ARHGEF7: variants seen among roughly 807,000 people sequenced by gnomAD.
ARHGEF7 encodes the protein PAK-interacting exchange factor beta.
Under a neutral mutation model 109.8 loss-of-function variants are expected in ARHGEF7, and 33 were observed. That is an observed-to-expected ratio of 0.30 (90% CI 0.23 to 0.40). The LOEUF is 0.40. Among genes scored for constraint, ARHGEF7 ranks in the 10% least tolerant of loss-of-function variants. The pLI is 1.00. For missense variants in ARHGEF7, 938 were observed against 1,098.5 expected, an observed-to-expected ratio of 0.85 and a Z score of 2.07; for synonymous variants, 458 against 424.6, an observed-to-expected ratio of 1.08 and a Z score of -0.97.
chr13:111,192,708 A>C (rs1332239037), intron 2 of ARHGEF7, among the ~76,000 whole-genome samples: 1 of 152,154 alleles, frequency 6.6e-6, no homozygotes, highest in East Asian at 1.9e-4. Context: ...TTGTATCCCT[A>C]GCGCCCTGGA....
intron 16 of ARHGEF7, among the ~76,000 whole-genome samples, chr13:111,283,680 C>T (rs1464485611): frequency 1.3e-5 from 2 of 152,200 alleles, no homozygotes; most frequent in Admixed American, 6.5e-5. Flanking sequence ...GCTTTCACTC[C>T]CTGTGTGTGA....
At chr13:111,290,045 T>C (rs1224117698) in intron 18 of ARHGEF7, among the ~76,000 whole-genome samples, 3 of 152,258 alleles carry the variant, frequency 2.0e-5, no homozygotes, top group African/African-American at 7.2e-5. Context: ...ATTGTTGTGA[T>C]GAAAGGTACT....
At chr13:111,180,195 A>T (rs1360593497) in intron 2 of ARHGEF7, among the ~76,000 whole-genome samples, 3 of 152,210 alleles carry the variant, frequency 2.0e-5, no homozygotes, top group Non-Finnish European at 4.4e-5. Flanking sequence ...GTGGGAGAGG[A>T]GAAAATGTTA....
intron 8 of ARHGEF7, among the ~76,000 whole-genome samples, chr13:111,264,419 A>G (rs2091406482): frequency 6.6e-6 from 1 of 152,110 alleles, no homozygotes; most frequent in Non-Finnish European, 1.5e-5. Context: ...GAGGGTAAAG[A>G]AGCATGGTAG....
At chr13:111,295,035 A>G in intron 19 of ARHGEF7, 1 of 985,858 alleles carries the variant, frequency 1.0e-6, no homozygotes, top group Non-Finnish European at 1.2e-6. Context: ...TTAGTAGGTG[A>G]CTACCATTTG....
intron 3 of ARHGEF7, 67 bp downstream of exon 3, chr13:111,205,440 T>C: frequency 4.3e-6 from 5 of 1,163,844 alleles, no homozygotes; most frequent in Non-Finnish European, 6.0e-6. Flanking sequence ...TTGGTTTTCT[T>C]GTTTTACCAA....
At position 111,242,151 on chromosome 13, in the gene ARHGEF7, G is replaced by A. The variant is rs1004857045; in HGVS notation, c.760-1721G>A. On this transcript the variant is annotated intron_variant, in intron 6 of 21. Transcript: ENST00000646102. Reference sequence around the variant, plus strand: ...CCCTCGCTCTGGCTCTCCCACGGTCGTCTCCCTTGAATAGATCCCTTCAGG... The same window carrying A: ...CCCTCGCTCTGGCTCTCCCACGGTCATCTCCCTTGAATAGATCCCTTCAGG... Among the ~76,000 whole-genome samples the A allele has an allele frequency of 1.5e-4, 23 of 152,270 alleles. No homozygotes were observed. The Middle Eastern group carries it at 0.017, about 113-fold the overall frequency.
intron 5 of ARHGEF7, among the ~76,000 whole-genome samples, chr13:111,224,138 A>T (rs1236315716): frequency 6.6e-6 from 1 of 152,258 alleles, no homozygotes; most frequent in Non-Finnish European, 1.5e-5. Context: ...TACAGGCATG[A>T]GCCACCGCAG....
rs763783054 is a variant in ARHGEF7 at position 111,267,554 on chromosome 13, C to T, written c.957C>T (p.Pro319=). The change falls in exon 9 of 22, where the codon CCC becomes CCT. Residue 319 remains proline (P), a synonymous_variant. Transcript: ENST00000646102. The stretch of plus-strand genomic sequence containing the variant: ...TTGTGTCGCATTTCTCCAGGTTGCC[C>T]GAAGCTCAGCAGAGAGTCGGAGGCT... ...VQSLEECTKL[P]EAQQRVGGCF... The T allele has an allele frequency of 2.9e-5, 47 of 1,613,714 alleles. No individual in the cohort carries two copies. The highest frequency in any genetic ancestry group is 1.6e-4 in the East Asian group (7 of 44,876).
chr13:111,253,229 A>G (rs2090002132), intron 8 of ARHGEF7, among the ~76,000 whole-genome samples: 1 of 152,242 alleles, frequency 6.6e-6, no homozygotes, highest in Admixed American at 6.5e-5. Context: ...TTACAGTATG[A>G]TTTAGAGAGT....
chr13:111,219,371 T>C (rs1407639323), intron 5 of ARHGEF7, among the ~76,000 whole-genome samples: 1 of 152,250 alleles, frequency 6.6e-6, no homozygotes, highest in Non-Finnish European at 1.5e-5. Context: ...TTTCATCATA[T>C]GTATGTACAA....
chr13:111,273,869 G>C lies in ARHGEF7; in HGVS notation c.1129G>C (p.Val377Leu). The change falls in exon 10 of 22, where the codon GTG becomes CTG. Residue 377 changes from valine (V) to leucine (L), a missense_variant. By Grantham distance (32) the Val-to-Leu change is conservative. Coordinates refer to ENST00000646102, the MANE Select transcript of ARHGEF7 (RefSeq NM_001354046.2). The surrounding 1 kb of genome is among the most constrained non-coding windows in gnomAD (Gnocchi z 4.5). ...AGGTGCCAGCAGCCCTGGGATTCTC[G>C]TGCTGACCACGGGCCTGAGCAAACC... Reference protein sequence around the residue: ...TKGASSPGILVLTTGLSKPFM... With the variant: ...TKGASSPGILLLTTGLSKPFM... 1 of 1,614,170 alleles carries C rather than the reference G, an allele frequency of 6.2e-7. No individual in the cohort carries two copies. Among genetic ancestry groups the C allele is most frequent in the South Asian group, 1.1e-5 (1 of 91,072 alleles).
At chr13:111,121,944 GT>G (rs1352037807) in intron 1 of ARHGEF7, among the ~76,000 whole-genome samples, 2 of 152,216 alleles carry the variant, frequency 1.3e-5, no homozygotes, top group African/African-American at 4.8e-5. Context: ...TCAGTACGCA[GT>G]AGTTACTGTT....
chr13:111,196,509 A>T (rs1225541980), intron 2 of ARHGEF7, among the ~76,000 whole-genome samples: 1 of 152,120 alleles, frequency 6.6e-6, no homozygotes, highest in African/African-American at 2.4e-5. Flanking sequence ...ATCATCTGAA[A>T]ACTTCCCCAG....
intron 2 of ARHGEF7, among the ~76,000 whole-genome samples, chr13:111,174,688 A>G (rs2077947733): frequency 6.6e-6 from 1 of 152,174 alleles, no homozygotes; most frequent in Admixed American, 6.5e-5. Context: ...GCTTTGTGAA[A>G]ACACACCTTC....
chr13:111,239,447 C>T lies in ARHGEF7; in HGVS notation c.760-4425C>T, dbSNP rs892834302. Among the ~76,000 whole-genome samples the T allele has an allele frequency of 6.6e-6, 1 of 152,130 alleles. No individual in the cohort carries two copies. The highest frequency in any genetic ancestry group is 1.5e-5 in the Non-Finnish European group (1 of 68,022). On this transcript the variant is annotated intron_variant, in intron 6 of 21. Coordinates refer to ENST00000646102, the MANE Select transcript of ARHGEF7 (RefSeq NM_001354046.2). This position sits in a 1 kb window ranked among gnomAD's most constrained non-coding sequence, Gnocchi z 4.3. ...TTTAGTTTGCGATGGCCTTCAGATG[C>T]CAGGCCAAGGAGGAAAACCTGAGCC...
At chr13:111,128,394 G>A (rs560065049) in intron 1 of ARHGEF7, among the ~76,000 whole-genome samples, 5 of 152,364 alleles carry the variant, frequency 3.3e-5, no homozygotes, top group African/African-American at 1.2e-4. Context: ...TCAGGAGGCT[G>A]AGGCAGGAGA....
rs1013575880 is a variant in ARHGEF7, at chr13:111,266,385, C to G, written c.951-1163C>G. On this transcript the variant is annotated intron_variant, in intron 8 of 21. Coordinates refer to ENST00000646102, the MANE Select transcript of ARHGEF7 (RefSeq NM_001354046.2). This position sits in a 1 kb window ranked among gnomAD's most constrained non-coding sequence, Gnocchi z 4.8. ...TCTTCTTTTGGCCTGTGTCGACGCT[C>G]GTGGACACCTTCGCTCTTGTGCCTT... 6.6e-6 allele frequency among the ~76,000 whole-genome samples: 1 copy of G among 152,072 alleles called. No homozygotes were observed. The highest frequency in any genetic ancestry group is 1.5e-5 in the Non-Finnish European group (1 of 68,008).
At chr13:111,180,053 G>A (rs934680020) in intron 2 of ARHGEF7, among the ~76,000 whole-genome samples, 1 of 152,172 alleles carries the variant, frequency 6.6e-6, no homozygotes, top group African/African-American at 2.4e-5. Flanking sequence ...CTGCCTACGT[G>A]CCTGAATTAC....
Sources: allele counts gnomAD v4.1 joint callset (sites outside exome capture counted in the v4.1 genomes callset), GRCh38; gene constraint gnomAD v4.1.1; non-coding constraint Gnocchi (gnomAD v3.1); transcripts MANE v1.5; gene names NCBI Gene and HGNC (gene_info 2026-07-23, HGNC 2026-07-21).